GNG2: variants seen among roughly 807,000 people sequenced by gnomAD.
The protein encoded by GNG2 is guanine nucleotide-binding protein G(I)/G(S)/G(O) subunit gamma-2.
Under a neutral mutation model 5.5 loss-of-function variants are expected in GNG2, and 5 were observed. The observed-to-expected ratio is 0.91, with a 90% CI of 0.48 to 1.92. The LOEUF (loss-of-function observed/expected upper bound fraction) is 1.92, where lower values mean the gene tolerates loss of function less well. Among genes scored for constraint, GNG2 ranks in the 30% most tolerant of loss-of-function variants. GNG2 has a pLI of 0.01. For synonymous variants in GNG2, 28 were observed against 32.0 expected, an observed-to-expected ratio of 0.88 and a Z score of 0.42; for missense variants, 55 against 88.4, an observed-to-expected ratio of 0.62 and a Z score of 1.52.
chr14:51,909,283 CT>C (rs199934403), intron 2 of GNG2, among the ~76,000 whole-genome samples: 1,536 of 152,264 alleles, frequency 0.01, 24 homozygotes, highest in African/African-American at 0.034. Context: ...GTGCATAAGT[CT>C]TTTTGATCTT....
chr14:51,867,413 A>G (rs1882971496), intron 1 of GNG2, among the ~76,000 whole-genome samples: 1 of 152,034 alleles, frequency 6.6e-6, no homozygotes, highest in Non-Finnish European at 1.5e-5. Context: ...CACTCCTCAA[A>G]ACCAGCTCCT....
At chr14:51,841,047 GA>G (rs1803731664) in intron 2 of GNG2, among the ~76,000 whole-genome samples, 1 of 152,118 alleles carries the variant, frequency 6.6e-6, no homozygotes, top group African/African-American at 2.4e-5. Flanking sequence ...TGCATAATAT[GA>G]AACCCAAGAT....
At chr14:51,826,236 G>A (rs1881026738) in intron 1 of GNG2, 1 of 152,168 alleles carries the variant, frequency 6.6e-6, no homozygotes, top group South Asian at 2.1e-4. Flanking sequence ...TGAAGGTACT[G>A]TGGCCCTTCC....
intron 1 of GNG2, among the ~76,000 whole-genome samples, chr14:51,866,451 A>C (rs1373983559): frequency 1.3e-5 from 2 of 152,222 alleles, no homozygotes; most frequent in Non-Finnish European, 2.9e-5. Flanking sequence ...CACATATTAC[A>C]GACTTCCTCA....
intron 2 of GNG2, among the ~76,000 whole-genome samples, chr14:51,878,938 C>G (rs911943258): frequency 6.6e-6 from 1 of 152,180 alleles, no homozygotes; most frequent in African/African-American, 2.4e-5. Context: ...TTTTTCAAAT[C>G]AATCCAAGCA....
intron 2 of GNG2, among the ~76,000 whole-genome samples, chr14:51,910,870 C>T (rs1194964404): frequency 1.3e-5 from 2 of 152,366 alleles, no homozygotes; most frequent in African/African-American, 4.8e-5. Flanking sequence ...TGGCAGAATG[C>T]CTCTAGAACA....
chr14:51,913,562 C>T lies in GNG2; in HGVS notation c.-30+35905C>T, dbSNP rs558042799. 4.0e-4 allele frequency among the ~76,000 whole-genome samples: 61 copies of T among 152,104 alleles called. 1 individual carries two copies. The highest frequency in any genetic ancestry group is 1.5e-3 in the African/African-American group (61 of 41,518). ...GGGGGAGAGCGGAAAGAACAGGTGC[C>T]ATGGGATCATAGGATGAGAGGGCAG... On this transcript the variant is annotated intron_variant, in intron 2 of 3. Transcript: ENST00000556766.
intron 3 of GNG2, among the ~76,000 whole-genome samples, chr14:51,952,417 G>A (rs867370220): frequency 1.3e-5 from 2 of 152,104 alleles, no homozygotes; most frequent in African/African-American, 4.8e-5. Context: ...AAAGCACAAA[G>A]CAACAGGTGG....
chr14:51,835,554 G>A (rs946061958), intron 2 of GNG2, among the ~76,000 whole-genome samples: 5 of 152,104 alleles, frequency 3.3e-5, no homozygotes, highest in Admixed American at 6.5e-5. Context: ...GACCCAGCAC[G>A]TCAAAGTCTA....
At chr14:51,943,307 A>C (rs770610756) in intron 2 of GNG2, among the ~76,000 whole-genome samples, 1 of 152,216 alleles carries the variant, frequency 6.6e-6, no homozygotes, top group Admixed American at 6.5e-5. Context: ...AGCTTTGTCT[A>C]CATGATTTTC....
chr14:51,846,720 C>T (rs971386026), intron 2 of GNG2, among the ~76,000 whole-genome samples: 3 of 152,146 alleles, frequency 2.0e-5, no homozygotes, highest in Non-Finnish European at 4.4e-5. Context: ...TGCCAACACC[C>T]CTGGCTACAA....
At chr14:51,862,808 C>T (rs1882606367) in intron 1 of GNG2, among the ~76,000 whole-genome samples, 1 of 152,200 alleles carries the variant, frequency 6.6e-6, no homozygotes, top group Admixed American at 6.5e-5. Context: ...TGAGTAACAG[C>T]AGATCAGTAA....
At chr14:51,875,408 G>A (rs1007161867) in intron 1 of GNG2, among the ~76,000 whole-genome samples, 3 of 152,152 alleles carry the variant, frequency 2.0e-5, no homozygotes, top group African/African-American at 7.2e-5. Context: ...AGGGAGGTTG[G>A]GGAAAGTAGC....
intron 2 of GNG2, among the ~76,000 whole-genome samples, chr14:51,831,842 C>CATTAT (rs1881200615): frequency 6.6e-6 from 1 of 152,008 alleles, no homozygotes; most frequent in South Asian, 2.1e-4. Context: ...AAAGTGATAC[C>CATTAT]AAAGTGAAAT....
chr14:51,929,394 G>A lies in GNG2; in HGVS notation c.-29-21256G>A, dbSNP rs186275065. On this transcript the variant is annotated intron_variant, in intron 2 of 3. Transcript: ENST00000556766. Reference sequence around the variant, plus strand: ...TTTGCTGCAGAAGTGAAAAGAATGCGAGGATGCTGAGAATCAAGAGGCACT... The same window carrying A: ...TTTGCTGCAGAAGTGAAAAGAATGCAAGGATGCTGAGAATCAAGAGGCACT... Among the ~76,000 whole-genome samples the A allele has an allele frequency of 2.6e-3, 391 of 152,298 alleles. 1 individual carries two copies. Among genetic ancestry groups the A allele is most frequent in the Non-Finnish European group, 4.3e-3 (293 of 68,024 alleles).
chr14:51,827,769 T>C (rs1566637050), exon 2 of GNG2: 3 of 700,010 alleles, frequency 4.3e-6, no homozygotes, highest in Middle Eastern at 2.3e-4. Flanking sequence ...CAACCTCCAA[T>C]GGAAAGAGAA....
intron 1 of GNG2, among the ~76,000 whole-genome samples, chr14:51,827,280 G>A (rs1403287683): frequency 2.6e-5 from 4 of 152,182 alleles, no homozygotes; most frequent in Non-Finnish European, 5.9e-5. Context: ...ACATACACTA[G>A]AACAGTGCTT....
chr14:51,925,400 G>T (rs1887249883), intron 2 of GNG2, among the ~76,000 whole-genome samples: 1 of 152,188 alleles, frequency 6.6e-6, no homozygotes, highest in Non-Finnish European at 1.5e-5. Context: ...TATGGCAGAG[G>T]ATTCAGGTGA....
intron 2 of GNG2, among the ~76,000 whole-genome samples, chr14:51,943,090 TG>T (rs1888441747): frequency 6.6e-6 from 1 of 152,298 alleles, no homozygotes; most frequent in South Asian, 2.1e-4. Context: ...CTGCTGGGCA[TG>T]CCTCTGGGGT....
Sources: gnomAD v4.1 joint callset for allele counts (sites outside exome capture counted in the v4.1 genomes callset) on GRCh38, gnomAD v4.1.1 for gene constraint, MANE v1.5 for transcripts, NCBI Gene and HGNC (gene_info 2026-07-23, HGNC 2026-07-21) for gene names.